Variants in MYCBP2 observed in about 807,000 individuals in gnomAD.
The protein encoded by MYCBP2 is E3 ubiquitin-protein ligase MYCBP2.
MYCBP2 carries 120 observed loss-of-function variants against 525.3 expected under a neutral mutation model. The observed-to-expected ratio is 0.23, with a 90% CI of 0.20 to 0.27. The LOEUF is 0.27. Among genes scored for constraint, MYCBP2 ranks in the 10% least tolerant of loss-of-function variants. The probability of loss-of-function intolerance (pLI) is 1.00; values close to 1 mark genes in which losing one functional copy is unlikely to be tolerated. For synonymous variants in MYCBP2, 1,894 were observed against 1,955.8 expected, an observed-to-expected ratio of 0.97 and a Z score of 0.83; for missense variants, 4,149 against 5,657.1, an observed-to-expected ratio of 0.73 and a Z score of 8.55.
intron 40 of MYCBP2, among the ~76,000 whole-genome samples, chr13:77,168,007 A>T (rs1234327745): frequency 6.6e-6 from 1 of 152,224 alleles, no homozygotes; most frequent in Non-Finnish European, 1.5e-5. Flanking sequence ...TTTTATACAT[A>T]GTTTTTTTAA....
At chr13:77,123,320 T>A (rs2051081594) in intron 54 of MYCBP2, among the ~76,000 whole-genome samples, 1 of 152,176 alleles carries the variant, frequency 6.6e-6, no homozygotes, top group African/African-American at 2.4e-5. Context: ...TATCTATACA[T>A]CAAGAGTAAA....
chr13:77,131,358 T>C (rs373265556), intron 52 of MYCBP2, among the ~76,000 whole-genome samples: 2 of 151,924 alleles, frequency 1.3e-5, no homozygotes, highest in East Asian at 1.9e-4. Context: ...CTCTACAAAA[T>C]AATTTAAAAA....
At chr13:77,195,214 G>A (rs1200237899) in intron 26 of MYCBP2, among the ~76,000 whole-genome samples, 2 of 152,094 alleles carry the variant, frequency 1.3e-5, no homozygotes, top group Non-Finnish European at 2.9e-5. Flanking sequence ...ACAGTCATTG[G>A]ATTCCCTTTG....
intron 68 of MYCBP2, among the ~76,000 whole-genome samples, chr13:77,071,308 C>CACACACACAA (rs1353650851): frequency 1.4e-5 from 2 of 147,740 alleles, no homozygotes; most frequent in African/African-American, 2.6e-5. Context: ...CACACACACA[C>CACACACACAA]AAATCTTATC....
rs78229620 is a variant in MYCBP2 at position 77,324,017 on chromosome 13, C to T, written c.302+2457G>A. Among the ~76,000 whole-genome samples the T allele has an allele frequency of 8.7e-3, 1,326 of 152,246 alleles. 21 individuals carry two copies. The highest frequency in any genetic ancestry group is 0.03 in the African/African-American group (1,235 of 41,534). On this transcript the variant is annotated intron_variant, in intron 1 of 82. Transcript: ENST00000544440. ...CACTCTGTCTCTCCATTTAGCCTCC[C>T]ATATTTGCATATCCCACCCAACCTC...
intron 1 of MYCBP2, among the ~76,000 whole-genome samples, chr13:77,319,214 TAGTC>T (rs1427673418): frequency 1.8e-4 from 28 of 152,088 alleles, no homozygotes; most frequent in African/African-American, 5.8e-4. Context: ...GGTTTGGTGA[TAGTC>T]AGTAGGCGAG....
chr13:77,227,987 CAAGTAAA>C (rs1404881984), intron 18 of MYCBP2, among the ~76,000 whole-genome samples: 1 of 151,896 alleles, frequency 6.6e-6, no homozygotes, highest in Non-Finnish European at 1.5e-5. Context: ...GAAAATCTTA[CAAGTAAA>C]AAAATTGAGA....
chr13:77,047,649 T>C (rs1291256537), intron 82 of MYCBP2, among the ~76,000 whole-genome samples: 2 of 152,148 alleles, frequency 1.3e-5, no homozygotes, highest in Non-Finnish European at 1.5e-5. Context: ...GCACAGGGCA[T>C]TGTGCCTAAA....
rs1566781362 is a variant in MYCBP2 at position 77,167,020 on chromosome 13, CACA to C, written c.6115-469_6115-467del. On this transcript the variant is annotated intron_variant, in intron 40 of 82. Transcript: ENST00000544440. ...ACACACACACACACACACACACACA[CACA>C]CACCAAATGAAATAATTTAATGATT... 7.7e-3 allele frequency among the ~76,000 whole-genome samples: 823 copies of C among 106,572 alleles called. 8 individuals carry two copies. The highest frequency in any genetic ancestry group is 0.052 in the East Asian group (192 of 3,714). 69.9% of individuals were successfully genotyped at this position (106,572 alleles called of 152,430 possible).
rs2058388084 is a variant in MYCBP2, at chr13:77,165,163, A to C, written c.6459+110T>G. ...GGTGTGAGCCACTGCACCAGGCCCC[A>C]ATTTTTCGAATAGAGGCAACAGTAC... On this transcript the variant is annotated intron_variant, in intron 42 of 82. Coordinates refer to ENST00000544440, the MANE Select transcript of MYCBP2 (RefSeq NM_015057.5). The C allele has an allele frequency of 3.3e-6, 3 of 905,876 alleles. No homozygotes were observed. The East Asian group carries it at 7.7e-5, about 23-fold the overall frequency. The allele number at this position is 905,876 out of a possible 1,614,324, so 56.1% of individuals were successfully genotyped here. A position where few individuals can be genotyped will look rare whatever the true frequency, so the allele number is the denominator to read the frequency against.
chr13:77,251,330 T>C lies in MYCBP2; in HGVS notation c.2202A>G (p.Thr734=), dbSNP rs772833860. The C allele has an allele frequency of 1.9e-6, 3 of 1,614,090 alleles. No homozygotes were observed. The African/African-American group carries it at 4.0e-5, about 22-fold the overall frequency. Residue 734 remains threonine, a synonymous_variant, in exon 15 of 83, where the codon ACA becomes ACG. Transcript: ENST00000544440. ...GKGFGVENMA[T]AMDEDLEEEL... ...CTTCTTCCAGGTCTTCATCCATTGC[T>C]GTTGCCATATTTTCAACTCCAAACC...
chr13:77,141,639 C>T (rs979877478), intron 49 of MYCBP2, among the ~76,000 whole-genome samples: 4 of 151,790 alleles, frequency 2.6e-5, no homozygotes, highest in South Asian at 2.1e-4. Flanking sequence ...GGCCTGGTGG[C>T]GCGCACCTGT....
intron 15 of MYCBP2, among the ~76,000 whole-genome samples, chr13:77,246,125 C>A (rs148471490): frequency 1.3e-5 from 2 of 152,212 alleles, no homozygotes; most frequent in Non-Finnish European, 2.9e-5. Context: ...CAGATCAGTT[C>A]TTGAAACTTT....
chr13:77,079,632 T>C (rs1436534308), intron 65 of MYCBP2, among the ~76,000 whole-genome samples: 1 of 152,194 alleles, frequency 6.6e-6, no homozygotes, highest in Non-Finnish European at 1.5e-5. Flanking sequence ...AAAACATACA[T>C]ACAGGTTGAG....
chr13:77,155,379 A>G (rs1395557409), intron 46 of MYCBP2, among the ~76,000 whole-genome samples: 1 of 152,198 alleles, frequency 6.6e-6, no homozygotes, highest in East Asian at 1.9e-4. Context: ...TCACTCTATA[A>G]GACAACTTTG....
In MYCBP2 at chr13:77,257,930, T is replaced by C. The variant is rs558331618; in HGVS notation, c.2018-101A>G. ...AGAACCGTTTATTTCTGGGGCAAAA[T>C]AACTCAACAAAATGAGAAATAAGTA... On this transcript the variant is annotated intron_variant, in intron 13 of 82. Transcript: ENST00000544440. The C allele has an allele frequency of 7.5e-5, 69 of 915,884 alleles. No homozygotes were observed. The East Asian group carries it at 1.9e-3, about 26-fold the overall frequency. 56.7% of individuals were successfully genotyped at this position (915,884 alleles called of 1,614,324 possible). A position where few individuals can be genotyped will look rare whatever the true frequency, so the allele number is the denominator to read the frequency against.
intron 3 of MYCBP2, among the ~76,000 whole-genome samples, chr13:77,281,845 C>T (rs2076219781): frequency 6.6e-6 from 1 of 152,044 alleles, no homozygotes; most frequent in Non-Finnish European, 1.5e-5. Context: ...TAATTCTTTA[C>T]CCTTAAAAAT....
chr13:77,250,127 G>A (rs1256112002), intron 15 of MYCBP2, among the ~76,000 whole-genome samples: 1 of 151,322 alleles, frequency 6.6e-6, no homozygotes, highest in Non-Finnish European at 1.5e-5. Context: ...GGAGGTCGAG[G>A]CAGGAGAATG....
Position 77,140,107 on chromosome 13 carries a change from G to T in MYCBP2, c.7458C>A (p.Ser2486=). 5 of 1,613,346 alleles carry T rather than the reference G, an allele frequency of 3.1e-6. No homozygotes were observed. Among genetic ancestry groups the T allele is most frequent in the Non-Finnish European group, 4.2e-6 (5 of 1,179,842 alleles). Residue 2486 remains serine (S), a synonymous_variant, in exon 51 of 83, where the codon TCC becomes TCA. Coordinates refer to ENST00000544440, the MANE Select transcript of MYCBP2 (RefSeq NM_015057.5). ...SAGLRIRSHP[S]LQSEQIGIVK... ...CTATGCCTATCTGCTCACTCTGAAG[G>T]GAAGGGTGGCTACGGATGCGAAGCC...
Sources: gnomAD v4.1 joint callset for allele counts (sites outside exome capture counted in the v4.1 genomes callset) on GRCh38, gnomAD v4.1.1 for gene constraint, MANE v1.5 for transcripts, NCBI Gene and HGNC (gene_info 2026-07-23, HGNC 2026-07-21) for gene names.